The following STT3A variants were observed in gnomAD, a reference collection of about 807,000 sequenced individuals.
STT3A encodes the protein STT3 oligosaccharyltransferase complex catalytic subunit A, also known as dolichyl-diphosphooligosaccharide--protein glycosyltransferase subunit STT3A.
STT3A carries 34 observed loss-of-function variants against 89.2 expected under a neutral mutation model. That is an observed-to-expected ratio of 0.38 (90% CI 0.29 to 0.51). The LOEUF (loss-of-function observed/expected upper bound fraction) is 0.51, where lower values mean the gene tolerates loss of function less well. Among genes scored for constraint, STT3A ranks in the 20% least tolerant of loss-of-function variants. The probability of loss-of-function intolerance (pLI) is 0.89; values close to 1 mark genes in which losing one functional copy is unlikely to be tolerated. For synonymous variants in STT3A, 282 were observed against 310.3 expected, an observed-to-expected ratio of 0.91 and a Z score of 0.96; for missense variants, 555 against 889.5, an observed-to-expected ratio of 0.62 and a Z score of 4.78.
At position 125,614,214 on chromosome 11, in the gene STT3A, G is replaced by A. The variant is rs756660559; in HGVS notation, c.1671+11G>A. 1.2e-6 allele frequency: 2 copies of A among 1,613,416 alleles called. No individual in the cohort carries two copies. Among genetic ancestry groups the A allele is most frequent in the Non-Finnish European group, 1.7e-6 (2 of 1,179,376 alleles). On this transcript the variant is annotated intron_variant, in intron 14 of 17. Transcript: ENST00000392708. This position sits in a 1 kb window ranked among gnomAD's most constrained non-coding sequence, Gnocchi z 4.9. ...TCTCGAGTAGGGCAGGTAAGATAAA[G>A]GGATGATCTTTGAGTGTTTGGTGTA...
At chr11:125,604,268 A>G in intron 6 of STT3A, 21 bp downstream of exon 6, 2 of 1,611,464 alleles carry the variant, frequency 1.2e-6, no homozygotes, top group Non-Finnish European at 1.7e-6. Context: ...TAAAATGCTG[A>G]AGAAGATCAT....
chr11:125,606,263 C>T, intron 7 of STT3A, 38 bp from the exon 8 acceptor site: 2 of 1,589,122 alleles, frequency 1.3e-6, no homozygotes, highest in Admixed American at 1.7e-5. Context: ...TCTGAGGAGG[C>T]ATACTCAGAG....
intron 15 of STT3A, among the ~76,000 whole-genome samples, chr11:125,616,022 G>A (rs1940169899): frequency 6.6e-6 from 1 of 152,062 alleles, no homozygotes; most frequent in African/African-American, 2.4e-5. Flanking sequence ...CTGGGTGACA[G>A]AGCGAGACTC....
Position 125,595,920 on chromosome 11 carries a change from C to G in STT3A, c.5C>G (p.Thr2Ser). 1 of 1,612,598 alleles carries G rather than the reference C, an allele frequency of 6.2e-7. No homozygotes were observed. Residue 2 changes from threonine to serine, a missense_variant, in exon 2 of 18, where the codon ACT becomes AGT. Thr to Ser is a moderately conservative substitution (Grantham distance 58, BLOSUM62 1). Coordinates refer to ENST00000392708, the MANE Select transcript of STT3A (RefSeq NM_152713.5). MTKFGFLRLSYE... is the reference protein window; with the variant it reads MSKFGFLRLSYE... ...TTGCCACCCATTCATGTCAAGATGACTAAGTTTGGATTTTTGCGATTGTCC... is the reference window on the plus strand; with the variant it reads ...TTGCCACCCATTCATGTCAAGATGAGTAAGTTTGGATTTTTGCGATTGTCC...
intron 2 of STT3A, 89 bp downstream of exon 2, chr11:125,596,092 G>T: frequency 1.0e-6 from 1 of 969,042 alleles, no homozygotes; most frequent in Admixed American, 2.2e-5. Context: ...AAAATGCCTT[G>T]TTCTTTTTAG....
chr11:125,606,335 A>G lies in STT3A; in HGVS notation c.650A>G (p.Asn217Ser). The change falls in exon 8 of 18, where the codon AAC (asparagine) becomes AGC (serine). Residue 217 changes from asparagine to serine, a missense_variant. This residue lies in a region of STT3A where 149 missense variants were observed against 206.2 expected (regional missense o/e 0.72). Transcript: ENST00000392708. ...SSWGGYVFLI[N>S]LIPLHVLVLM... is the part of the protein sequence containing the mutation. ...TGGGGAGGTTATGTGTTCCTGATCAACTTAATTCCTCTCCACGTCCTCGTG... is the reference window on the plus strand; with the variant it reads ...TGGGGAGGTTATGTGTTCCTGATCAGCTTAATTCCTCTCCACGTCCTCGTG... 6.2e-7 allele frequency: 1 copy of G among 1,614,122 alleles called. No homozygotes were observed. Among genetic ancestry groups the G allele is most frequent in the Non-Finnish European group, 8.5e-7 (1 of 1,180,024 alleles).
At chr11:125,595,392 C>T (rs554552) in intron 1 of STT3A, among the ~76,000 whole-genome samples, 76,981 of 151,750 alleles carry the variant, frequency 0.51, 20,741 homozygotes, top group South Asian at 0.61. Context: ...TGGCTTCAAG[C>T]GATCCTCCCT....
chr11:125,593,887 C>A (rs1054301814), intron 1 of STT3A, among the ~76,000 whole-genome samples: 1 of 151,918 alleles, frequency 6.6e-6, no homozygotes, highest in African/African-American at 2.4e-5. Flanking sequence ...CTCCTTTATT[C>A]CAATAATAGT....
chr11:125,596,270 G>A (rs1397184825), intron 2 of STT3A, among the ~76,000 whole-genome samples: 1 of 152,134 alleles, frequency 6.6e-6, no homozygotes, highest in East Asian at 1.9e-4. Flanking sequence ...TTTGAGACCA[G>A]CCTGGCCAAC....
At chr11:125,615,041 C>T (rs750050424) in intron 15 of STT3A, among the ~76,000 whole-genome samples, 1 of 152,000 alleles carries the variant, frequency 6.6e-6, no homozygotes, top group Non-Finnish European at 1.5e-5. Context: ...TTTGGGAGGC[C>T]AAGGCGGGCG....
chr11:125,620,286 G>C (rs560650179), intron 17 of STT3A, among the ~76,000 whole-genome samples, 160 bp downstream of exon 17: 4 of 152,166 alleles, frequency 2.6e-5, no homozygotes, highest in Admixed American at 1.3e-4. Flanking sequence ...ACTTATTTTA[G>C]ATTGTTCTTA....
rs1940335299 is a variant in STT3A at position 125,621,057 on chromosome 11, T to TA, written c.*253dup. 1 of 393,812 alleles carries TA rather than the reference T, an allele frequency of 2.5e-6. No individual in the cohort carries two copies. Among genetic ancestry groups the TA allele is most frequent in the Non-Finnish European group, 4.5e-6 (1 of 220,914 alleles). The allele number at this position is 393,812 out of a possible 1,614,324, so 24.4% of individuals were successfully genotyped here. A position where few individuals can be genotyped will look rare whatever the true frequency, so the allele number is the denominator to read the frequency against. ...GGTCAATTAAAGGGGGGAATTTTTTTAAAAAATGTGCCTTATTTGTTTTGA... is the reference window on the plus strand; with the variant it reads ...GGTCAATTAAAGGGGGGAATTTTTTTAAAAAAATGTGCCTTATTTGTTTTGA... On this transcript the variant is annotated 3_prime_UTR_variant, in exon 18 of 18. Coordinates refer to ENST00000392708, the MANE Select transcript of STT3A (RefSeq NM_152713.5).
In STT3A at chr11:125,620,663, C is replaced by T. The variant is rs554310241; in HGVS notation, c.2080-109C>T. 4 of 986,768 alleles carry T rather than the reference C, an allele frequency of 4.1e-6. No individual in the cohort carries two copies. The South Asian group carries it at 4.2e-5, about 10-fold the overall frequency. The allele number at this position is 986,768 out of a possible 1,614,324, so 61.1% of individuals were successfully genotyped here. ...TGTGTATTCACAGCCCTAAACCAGGCTGCAGAACCCAACATAATCCTGCCC... is the reference window on the plus strand; with the variant it reads ...TGTGTATTCACAGCCCTAAACCAGGTTGCAGAACCCAACATAATCCTGCCC... On this transcript the variant is annotated intron_variant, in intron 17 of 17. Transcript: ENST00000392708.
intron 1 of STT3A, among the ~76,000 whole-genome samples, chr11:125,595,441 C>T (rs1332647360): frequency 6.6e-6 from 1 of 152,110 alleles, no homozygotes; most frequent in East Asian, 1.9e-4. Flanking sequence ...CACTTCTGGT[C>T]TCAATGTTTA....
In STT3A at chr11:125,614,309, C is replaced by T; in HGVS notation, c.1672-15C>T. 6.2e-7 allele frequency: 1 copy of T among 1,613,914 alleles called. No homozygotes were observed. Among genetic ancestry groups the T allele is most frequent in the Non-Finnish European group, 8.5e-7 (1 of 1,179,920 alleles). On this transcript the variant is annotated splice_polypyrimidine_tract_variant and intron_variant, in intron 14 of 17. Coordinates refer to ENST00000392708, the MANE Select transcript of STT3A (RefSeq NM_152713.5). The surrounding 1 kb of genome is among the most constrained non-coding windows in gnomAD (Gnocchi z 4.9). ...TTGGGATTTTGCTCTGAGAATTGTACATTTGTTTTTCCAGGCAATGGCGTC... is the reference window on the plus strand; with the variant it reads ...TTGGGATTTTGCTCTGAGAATTGTATATTTGTTTTTCCAGGCAATGGCGTC...
rs950751007 is a variant in STT3A at position 125,618,286 on chromosome 11, T to A, written c.1775-87T>A. 1.9e-5 allele frequency: 24 copies of A among 1,271,298 alleles called. No individual in the cohort carries two copies. The East Asian group carries it at 5.7e-4, about 30-fold the overall frequency. The allele number at this position is 1,271,298 out of a possible 1,614,324, so 78.8% of individuals were successfully genotyped here. On this transcript the variant is annotated intron_variant, in intron 15 of 17. Transcript: ENST00000392708. ...ATGATACCAATCCCCATTAAAAAAA[T>A]GTTGAGGAATTTTCTTAGAAATACT... is the stretch of plus-strand genomic sequence containing the variant.
rs1407274474 is a variant in STT3A, at chr11:125,595,883, G to A, written c.-33G>A. 11 of 1,436,258 alleles carry A rather than the reference G, an allele frequency of 7.7e-6. No homozygotes were observed. Among genetic ancestry groups the A allele is most frequent in the African/African-American group, 1.4e-5 (1 of 70,452 alleles). The allele number at this position is 1,436,258 out of a possible 1,614,324, so 89.0% of individuals were successfully genotyped here. On this transcript the variant is annotated splice_region_variant and 5_prime_UTR_variant, in exon 2 of 18. Transcript: ENST00000392708. ...TGGTCTTGACTTTTTCATTTTAGCTGATCGTCGTGTGTTGCCACCCATTCA... is the reference window on the plus strand; with the variant it reads ...TGGTCTTGACTTTTTCATTTTAGCTAATCGTCGTGTGTTGCCACCCATTCA...
At chr11:125,612,935 G>A in intron 12 of STT3A, 54 bp from the exon 13 acceptor site, 1 of 1,594,328 alleles carries the variant, frequency 6.3e-7, no homozygotes, top group Non-Finnish European at 8.6e-7. Flanking sequence ...GTTGTCCTGT[G>A]TTGTGTGAAT....
At chr11:125,598,288 G>A (rs555568324) in intron 3 of STT3A, among the ~76,000 whole-genome samples, 2 of 152,126 alleles carry the variant, frequency 1.3e-5, no homozygotes, top group Non-Finnish European at 2.9e-5. Context: ...TATTCAGTAC[G>A]TGGAGGAACC....
Sources: gnomAD v4.1 joint callset for allele counts (sites outside exome capture counted in the v4.1 genomes callset) on GRCh38, gnomAD v4.1.1 for gene constraint, gnomAD v4.1.1 regional missense constraint, Gnocchi (gnomAD v3.1) non-coding constraint, MANE v1.5 for transcripts, NCBI Gene and HGNC (gene_info 2026-07-23, HGNC 2026-07-21) for gene names.